HHATL: variants seen among roughly 807,000 people sequenced by gnomAD.
HHATL encodes the protein protein-cysteine N-palmitoyltransferase HHAT-like protein.
HHATL carries 49 observed loss-of-function variants against 59.7 expected under a neutral mutation model. The observed-to-expected ratio is 0.82, with a 90% CI of 0.65 to 1.04. The LOEUF is 1.04. Among genes scored for constraint, HHATL ranks in the 50% least tolerant of loss-of-function variants. HHATL has a pLI of 0.00. For missense variants in HHATL, 605 were observed against 650.8 expected (o/e 0.93, Z 0.77); for synonymous variants, 238 against 257.3 (o/e 0.93, Z 0.72).
Position 42,692,677 on chromosome 3 carries a change from C to G in HHATL, c.*74G>C, listed in dbSNP as rs1697398019. On this transcript the variant is annotated 3_prime_UTR_variant, in exon 12 of 12. Coordinates refer to ENST00000441594, the MANE Select transcript of HHATL (RefSeq NM_020707.4). ...AACAGCCAAGCTGTTGTAGAAAAGT[C>G]TTTTATTCTATCGGTCAGGCCCCAT... 6 of 1,606,188 alleles carry G rather than the reference C, an allele frequency of 3.7e-6. No individual in the cohort carries two copies. The Admixed American group carries it at 1.0e-4, about 27-fold the overall frequency.
chr3:42,698,298 GC>G lies in HHATL; in HGVS notation c.536del (p.Gly179AlafsTer26). 8 of 1,613,980 alleles carry G rather than the reference GC, an allele frequency of 5.0e-6. No individual in the cohort carries two copies. Among genetic ancestry groups the G allele is most frequent in the Non-Finnish European group, 6.8e-6 (8 of 1,179,936 alleles). ...TGCAACGCAGCACTGTGAAGCTGCTGCCCCCATGAAACAGCACCTCTTGAAG... is the reference window on the plus strand; with the variant it reads ...TGCAACGCAGCACTGTGAAGCTGCTGCCCCATGAAACAGCACCTCTTGAAG... ...FDLQEVLFHG[G>X]SSFTVLRCTS... is the part of the protein sequence containing the mutation. On this transcript the variant is annotated frameshift_variant, in exon 6 of 12. Coordinates refer to ENST00000441594, the MANE Select transcript of HHATL (RefSeq NM_020707.4). LOFTEE classifies it high-confidence loss of function.
intron 10 of HHATL, 65 bp from the exon 11 acceptor site, chr3:42,693,283 C>G: frequency 6.3e-7 from 1 of 1,585,300 alleles, no homozygotes; most frequent in Non-Finnish European, 8.6e-7. Context: ...CATGGTGGGT[C>G]AGCAGCCTTA....
rs905411442 is a variant in HHATL, at chr3:42,692,783, C to T, written c.1483G>A (p.Glu495Lys). The change falls in exon 12 of 12, where the codon GAG becomes AAG. Residue 495 changes from glutamate to lysine, a missense_variant. Transcript: ENST00000441594. Reference protein sequence around the residue: ...ERERTLALEEEQKQDKEKPE With the variant: ...ERERTLALEEKQKQDKEKPE ...GGCTTCTCTTTGTCCTGCTTCTGCT[C>T]CTCCTCCAGTGCCAAGGTTCGCTCA... 6.2e-7 allele frequency: 1 copy of T among 1,614,104 alleles called. No individual in the cohort carries two copies. The highest frequency in any genetic ancestry group is 1.7e-5 in the Admixed American group (1 of 60,002).
chr3:42,698,621 G>A, intron 5 of HHATL, 87 bp downstream of exon 5: 1 of 1,419,124 alleles, frequency 7.0e-7, no homozygotes, highest in Non-Finnish European at 9.6e-7. Context: ...GGGAATACTT[G>A]GGGATACTTG....
chr3:42,694,058 G>A, intron 9 of HHATL: 1 of 561,188 alleles, frequency 1.8e-6, no homozygotes, highest in Admixed American at 3.1e-5. Flanking sequence ...CCAGACCCAA[G>A]ATTTCAAGTA....
intron 9 of HHATL, among the ~76,000 whole-genome samples, chr3:42,695,336 T>C (rs772752223): frequency 3.3e-5 from 5 of 152,158 alleles, no homozygotes; most frequent in Non-Finnish European, 5.9e-5. Context: ...CTATAAATAA[T>C]CTAAAAACCC....
In HHATL at chr3:42,693,224, C is replaced by T. The variant is rs764293071; in HGVS notation, c.1249-6G>A. On this transcript the variant is annotated splice_polypyrimidine_tract_variant and splice_region_variant and intron_variant, in intron 10 of 11. Transcript: ENST00000441594. ...ATCTGCACTGACAGAGAGGCCTATC[C>T]GGTCCAGGAAAGCATGGGCAGCGGG... The T allele has an allele frequency of 3.3e-5, 53 of 1,613,660 alleles. No individual in the cohort carries two copies. Among genetic ancestry groups the T allele is most frequent in the African/African-American group, 6.7e-5 (5 of 74,896 alleles).
In HHATL at chr3:42,701,224, A is replaced by T. The variant is rs1408545343; in HGVS notation, c.-13-385T>A. Reference sequence around the variant, plus strand: ...GGAGAAACCCCACCTCTATCACTACAGTCAGGTTTCTGCCTGCAGGGTCCC... The same window carrying T: ...GGAGAAACCCCACCTCTATCACTACTGTCAGGTTTCTGCCTGCAGGGTCCC... On this transcript the variant is annotated intron_variant, in intron 1 of 11. Transcript: ENST00000441594. The surrounding 1 kb of genome is among the most constrained non-coding windows in gnomAD (Gnocchi z 5.1). The T allele has an allele frequency of 1.0e-5, 2 of 193,560 alleles. No homozygotes were observed. The highest frequency in any genetic ancestry group is 2.1e-5 in the Non-Finnish European group (2 of 93,180). 12.0% of individuals were successfully genotyped at this position (193,560 alleles called of 1,614,324 possible).
intron 2 of HHATL, among the ~76,000 whole-genome samples, chr3:42,700,377 T>C (rs1172064448): frequency 1.3e-5 from 2 of 149,754 alleles, no homozygotes; most frequent in Non-Finnish European, 3.0e-5. Context: ...TGTGTGTGTG[T>C]GTCGGGATGT....
Position 42,692,856 on chromosome 3 carries a change from C to G in HHATL, c.1410G>C (p.Leu470=). The G allele has an allele frequency of 6.2e-7, 1 of 1,614,220 alleles. No homozygotes were observed. Among genetic ancestry groups the G allele is most frequent in the Non-Finnish European group, 8.5e-7 (1 of 1,180,042 alleles). The change falls in exon 12 of 12, where the codon CTG becomes CTC. Residue 470 remains leucine (L), a synonymous_variant. Coordinates refer to ENST00000441594, the MANE Select transcript of HHATL (RefSeq NM_020707.4). ...LLLTGFPQTT[L]SILFVTYCGV... is the part of the protein sequence containing the mutation. Reference sequence around the variant, plus strand: ...CACAGTAGGTGACAAACAGGATGGACAGCGTGGTCTGGGGGAACCCTGTGT... The same window carrying G: ...CACAGTAGGTGACAAACAGGATGGAGAGCGTGGTCTGGGGGAACCCTGTGT...
chr3:42,698,013 G>A (rs370318720), intron 6 of HHATL, 129 bp downstream of exon 6: 197 of 1,001,138 alleles, frequency 2.0e-4, no homozygotes, highest in Non-Finnish European at 2.8e-4. Flanking sequence ...GGGGAGACAC[G>A]GCTTCATCCT....
At chr3:42,696,765 G>C in intron 9 of HHATL, 77 bp downstream of exon 9, 1 of 1,495,876 alleles carries the variant, frequency 6.7e-7, no homozygotes, top group Non-Finnish European at 9.2e-7. Flanking sequence ...CTTTTAAAAT[G>C]TGGACCCATC....
At chr3:42,694,655 C>A (rs543035349) in intron 9 of HHATL, among the ~76,000 whole-genome samples, 3 of 152,344 alleles carry the variant, frequency 2.0e-5, no homozygotes, top group African/African-American at 7.2e-5. Context: ...ATCATGCTGG[C>A]CTCACTGGCC....
Position 42,697,008 on chromosome 3 carries a change from C to G in HHATL, c.1003G>C (p.Ala335Pro). Reference protein sequence around the residue: ...PKCITALYVFAETHFDRGIND... With the variant: ...PKCITALYVFPETHFDRGIND... ...GTCCTGGCCAGCACTCACGTTTCCGCAAAGACGTAGAGTGCGGTGATGCAC... is the reference window on the plus strand; with the variant it reads ...GTCCTGGCCAGCACTCACGTTTCCGGAAAGACGTAGAGTGCGGTGATGCAC... The change falls in exon 8 of 12, where the codon GCG becomes CCG. Residue 335 changes from alanine to proline, a missense_variant. Transcript: ENST00000441594. The G allele has an allele frequency of 6.2e-7, 1 of 1,607,768 alleles. No homozygotes were observed. Among genetic ancestry groups the G allele is most frequent in the South Asian group, 1.1e-5 (1 of 89,988 alleles).
Position 42,701,064 on chromosome 3 carries a change from T to C in HHATL, c.-13-225A>G. ...GCTGCTCTTGCCCCCACCCCACCCA[T>C]CAAGGCTCTTGCCCGCAGAGCCCTC... On this transcript the variant is annotated intron_variant, in intron 1 of 11. Coordinates refer to ENST00000441594, the MANE Select transcript of HHATL (RefSeq NM_020707.4). The surrounding 1 kb of genome is among the most constrained non-coding windows in gnomAD (Gnocchi z 5.1). 1 of 520,800 alleles carries C rather than the reference T, an allele frequency of 1.9e-6. No homozygotes were observed. The highest frequency in any genetic ancestry group is 3.5e-6 in the Non-Finnish European group (1 of 289,520). The allele number at this position is 520,800 out of a possible 1,614,324, so 32.3% of individuals were successfully genotyped here.
intron 9 of HHATL, among the ~76,000 whole-genome samples, chr3:42,696,198 A>G (rs1487292728): frequency 1.3e-5 from 2 of 152,112 alleles, no homozygotes; most frequent in Non-Finnish European, 2.9e-5. Flanking sequence ...AGGGTGGCAC[A>G]TGACCTTGAT....
chr3:42,698,440 G>A (rs1327089155), intron 5 of HHATL, 89 bp from the exon 6 acceptor site: 2 of 1,249,648 alleles, frequency 1.6e-6, no homozygotes, highest in Non-Finnish European at 1.1e-6. Context: ...TCCCACAGGG[G>A]CCCAGCCTGG....
At chr3:42,700,863 G>A (rs1232446704) in intron 1 of HHATL, 24 bp from the exon 2 acceptor site, 1 of 1,519,462 alleles carries the variant, frequency 6.6e-7, no homozygotes, top group South Asian at 1.1e-5. Context: ...TTGGGTGAGG[G>A]AATTACAGTC....
intron 9 of HHATL, 29 bp downstream of exon 9, chr3:42,696,813 G>A (rs1697631312): frequency 6.2e-7 from 1 of 1,612,374 alleles, no homozygotes; most frequent in Admixed American, 1.7e-5. Context: ...CAGGATGGCT[G>A]TGACCACCCC....
Sources: gnomAD v4.1 joint callset for allele counts (sites outside exome capture counted in the v4.1 genomes callset) on GRCh38, gnomAD v4.1.1 for gene constraint, Gnocchi (gnomAD v3.1) non-coding constraint, MANE v1.5 for transcripts, NCBI Gene and HGNC (gene_info 2026-07-23, HGNC 2026-07-21) for gene names.